The following SKIC2 variants were observed in gnomAD, a reference collection of about 807,000 sequenced individuals.
The protein encoded by SKIC2 is SKI2 subunit of superkiller complex.
the SKIC2 span, chr6:31,960,224 T>C: frequency 6.2e-7 from 1 of 1,612,762 alleles, no homozygotes; most frequent in Non-Finnish European, 8.5e-7. Flanking sequence ...CTCCAGAAAA[T>C]GGCAGAGGAA....
the SKIC2 span, chr6:31,967,822 T>G: frequency 6.2e-7 from 1 of 1,612,976 alleles, no homozygotes; most frequent in Non-Finnish European, 8.5e-7. The surrounding 1 kb of genome is among the most constrained non-coding windows in gnomAD (Gnocchi z 4.9). Flanking sequence ...AGGTGCCCTA[T>G]CCAGATGACC....
chr6:31,969,513 A>G, the SKIC2 span: 25 of 1,613,214 alleles, frequency 1.5e-5, no homozygotes, highest in Non-Finnish European at 2.0e-5. The surrounding 1 kb of genome is among the most constrained non-coding windows in gnomAD (Gnocchi z 6.1). Context: ...CTTTCCCCAC[A>G]GCCCTTCTCC....
At chr6:31,960,584 C>G in the SKIC2 span, 1 of 1,578,122 alleles carries the variant, frequency 6.3e-7, no homozygotes, top group Non-Finnish European at 8.7e-7. Flanking sequence ...AAGAGGGTGT[C>G]TTTAATCTCC....
At chr6:31,964,773 C>A in the SKIC2 span, among the ~76,000 whole-genome samples, 1 of 152,160 alleles carries the variant, frequency 6.6e-6, no homozygotes, top group Non-Finnish European at 1.5e-5. The surrounding 1 kb of genome is among the most constrained non-coding windows in gnomAD (Gnocchi z 5.0). Flanking sequence ...TTCTGGGAAT[C>A]CTTTACGGGA....
At chr6:31,965,645 C>T in the SKIC2 span, 154 of 590,140 alleles carry the variant, frequency 2.6e-4, 1 homozygote, top group East Asian at 4.2e-3. The surrounding 1 kb of genome is among the most constrained non-coding windows in gnomAD (Gnocchi z 5.6). Flanking sequence ...TATAGATTTG[C>T]CTGGAGAGTT....
At chr6:31,964,679 A>G in the SKIC2 span, among the ~76,000 whole-genome samples, 1 of 152,252 alleles carries the variant, frequency 6.6e-6, no homozygotes, top group South Asian at 2.1e-4. This position sits in a 1 kb window ranked among gnomAD's most constrained non-coding sequence, Gnocchi z 5.0. Context: ...TACTCACAAG[A>G]TACGACTTTA....
the SKIC2 span, chr6:31,965,764 C>T: frequency 6.7e-7 from 1 of 1,502,972 alleles, no homozygotes; most frequent in Non-Finnish European, 9.3e-7. The surrounding 1 kb of genome is among the most constrained non-coding windows in gnomAD (Gnocchi z 5.6). Context: ...CTGATCCTTT[C>T]TGTTCTCCTC....
the SKIC2 span, chr6:31,967,351 C>G: frequency 6.2e-7 from 1 of 1,612,684 alleles, no homozygotes. This position sits in a 1 kb window ranked among gnomAD's most constrained non-coding sequence, Gnocchi z 4.9. Flanking sequence ...TCAGGAGCAT[C>G]ACAACGCATT....
At chr6:31,959,588 C>A in the SKIC2 span, 1 of 573,656 alleles carries the variant, frequency 1.7e-6, no homozygotes, top group Non-Finnish European at 3.1e-6. Context: ...GCAGAAAGGG[C>A]TGGGGATATT....
the SKIC2 span, chr6:31,967,835 G>A: frequency 4.3e-5 from 69 of 1,612,926 alleles, no homozygotes; most frequent in African/African-American, 5.3e-5. This position sits in a 1 kb window ranked among gnomAD's most constrained non-coding sequence, Gnocchi z 4.9. Context: ...AGATGACCTC[G>A]TGGGATTCAA....
the SKIC2 span, chr6:31,960,792 A>C: frequency 2.3e-6 from 3 of 1,288,336 alleles, no homozygotes; most frequent in Non-Finnish European, 3.2e-6. Flanking sequence ...CCAGGCTATC[A>C]CTGGGCTACT....
chr6:31,968,524 C>T, the SKIC2 span: 16 of 1,612,486 alleles, frequency 9.9e-6, no homozygotes, highest in African/African-American at 6.7e-5. This position sits in a 1 kb window ranked among gnomAD's most constrained non-coding sequence, Gnocchi z 6.1. Context: ...ACACAGCCCC[C>T]GTTTTCCTGC....
the SKIC2 span, chr6:31,960,358 A>C: frequency 6.2e-7 from 1 of 1,606,592 alleles, no homozygotes; most frequent in East Asian, 2.2e-5. Flanking sequence ...AGGGGTCATG[A>C]GAAACAGTTG....
chr6:31,962,506 G>GGGTTCA, the SKIC2 span: 2 of 1,614,024 alleles, frequency 1.2e-6, no homozygotes, highest in Non-Finnish European at 1.7e-6. This position sits in a 1 kb window ranked among gnomAD's most constrained non-coding sequence, Gnocchi z 5.0. Flanking sequence ...AAACACATTC[G>GGGTTCA]GGGATGTGGG....
At chr6:31,961,775 C>A in the SKIC2 span, 1 of 1,550,390 alleles carries the variant, frequency 6.4e-7, no homozygotes, top group Non-Finnish European at 8.8e-7. Context: ...AGATCCATCC[C>A]AGGCCAGTCT....
At chr6:31,967,097 T>C in the SKIC2 span, 1 of 1,612,802 alleles carries the variant, frequency 6.2e-7, no homozygotes, top group Non-Finnish European at 8.5e-7. This position sits in a 1 kb window ranked among gnomAD's most constrained non-coding sequence, Gnocchi z 4.9. Flanking sequence ...GCCTGAATAT[T>C]ACAGCTGGGG....
chr6:31,966,903 G>C, the SKIC2 span: 1 of 1,613,468 alleles, frequency 6.2e-7, no homozygotes, highest in South Asian at 1.1e-5. This position sits in a 1 kb window ranked among gnomAD's most constrained non-coding sequence, Gnocchi z 5.9. Context: ...AGACAGGCTG[G>C]GAATAGGTAG....
chr6:31,969,236 C>A, the SKIC2 span: 1 of 1,609,882 alleles, frequency 6.2e-7, no homozygotes, highest in African/African-American at 1.3e-5. This position sits in a 1 kb window ranked among gnomAD's most constrained non-coding sequence, Gnocchi z 6.1. Flanking sequence ...CTTCCCTGTC[C>A]TGGAGCAGGA....
chr6:31,960,238 G>T, the SKIC2 span: 36 of 1,612,900 alleles, frequency 2.2e-5, no homozygotes, highest in Admixed American at 3.3e-5. Flanking sequence ...AGAGGAAGAC[G>T]GATCCCTGGT....
Sources: allele counts gnomAD v4.1 joint callset (sites outside exome capture counted in the v4.1 genomes callset), GRCh38; gene constraint gnomAD v4.1.1; non-coding constraint Gnocchi (gnomAD v3.1); transcripts MANE v1.5; gene names NCBI Gene and HGNC (gene_info 2026-07-23, HGNC 2026-07-21).